ARHGAP42: variants seen among roughly 807,000 people sequenced by gnomAD.
ARHGAP42 encodes Rho GTPase activating protein 42.
In ARHGAP42, 63 loss-of-function variants were observed where a neutral mutation model predicts 125.0. The observed-to-expected ratio is 0.50, with a 90% CI of 0.41 to 0.62. ARHGAP42 has a LOEUF of 0.62. ARHGAP42 is among the 20% of genes least tolerant of loss of function. The pLI is 0.00. For synonymous variants in ARHGAP42, 339 were observed against 351.0 expected (o/e 0.97, Z 0.38); for missense variants, 766 against 1,024.2 (o/e 0.75, Z 3.44).
rs544498893 is a variant in ARHGAP42, at chr11:100,946,657, C to A, written c.1044-1800C>A. Among the ~76,000 whole-genome samples the A allele has an allele frequency of 1.1e-4, 16 of 152,084 alleles. No individual in the cohort carries two copies. In the South Asian group the frequency reaches 1.5e-3, roughly 14 times the overall value. On this transcript the variant is annotated intron_variant, in intron 10 of 23. Coordinates refer to ENST00000298815, the MANE Select transcript of ARHGAP42 (RefSeq NM_152432.4). Reference sequence around the variant, plus strand: ...GTCAGTGGAGCAGTGGCACACACAACTTTTATTGACTGTTTGCCATCTTAT... The same window carrying A: ...GTCAGTGGAGCAGTGGCACACACAAATTTTATTGACTGTTTGCCATCTTAT...
intron 2 of ARHGAP42, among the ~76,000 whole-genome samples, chr11:100,774,504 C>A (rs2080255916): frequency 1.3e-5 from 2 of 152,126 alleles, no homozygotes; most frequent in South Asian, 4.2e-4. Flanking sequence ...GATGACATAG[C>A]CACAAAATAC....
intron 22 of ARHGAP42, chr11:100,986,226 T>C: frequency 2.7e-6 from 1 of 373,700 alleles, no homozygotes; most frequent in South Asian, 2.0e-5. Context: ...GATAGTTCCC[T>C]GGGCAGCTAT....
chr11:100,878,133 T>A (rs867592995), intron 4 of ARHGAP42, among the ~76,000 whole-genome samples: 1 of 152,016 alleles, frequency 6.6e-6, no homozygotes, highest in Non-Finnish European at 1.5e-5. Flanking sequence ...TCTATTTCTT[T>A]TTTTCTTTTT....
chr11:100,940,260 A>G (rs1867841503), intron 8 of ARHGAP42, among the ~76,000 whole-genome samples: 1 of 152,220 alleles, frequency 6.6e-6, no homozygotes, highest in Non-Finnish European at 1.5e-5. Flanking sequence ...GTACTTTTTT[A>G]AATTTCAATT....
chr11:100,915,460 G>A (rs1394683556), intron 5 of ARHGAP42, among the ~76,000 whole-genome samples: 1 of 152,078 alleles, frequency 6.6e-6, no homozygotes, highest in African/African-American at 2.4e-5. Flanking sequence ...TGGTCTTAGA[G>A]GCCCTAAAGA....
At chr11:100,751,965 A>G (rs568520571) in intron 1 of ARHGAP42, among the ~76,000 whole-genome samples, 1 of 151,862 alleles carries the variant, frequency 6.6e-6, no homozygotes, top group South Asian at 2.1e-4. Context: ...TTTTTAATAG[A>G]GATGGGGTTT....
intron 15 of ARHGAP42, among the ~76,000 whole-genome samples, 189 bp downstream of exon 15, chr11:100,961,957 C>T (rs1349216220): frequency 6.6e-6 from 1 of 152,036 alleles, no homozygotes; most frequent in African/African-American, 2.4e-5. Context: ...TTGATTTTTT[C>T]AATAATAATT....
rs17095649 is a variant in ARHGAP42 at position 100,840,861 on chromosome 11, T to A, written c.313-18693T>A. Reference sequence around the variant, plus strand: ...AAGAAAAACATCATTTTACTTCAGGTCAGCTAGGTAAAAGACACTATGTTA... The same window carrying A: ...AAGAAAAACATCATTTTACTTCAGGACAGCTAGGTAAAAGACACTATGTTA... On this transcript the variant is annotated intron_variant, in intron 3 of 23. Transcript: ENST00000298815. 6.3e-3 allele frequency among the ~76,000 whole-genome samples: 953 copies of A among 152,292 alleles called. 10 individuals are homozygous for A. Among genetic ancestry groups the A allele is most frequent in the African/African-American group, 0.022 (898 of 41,566 alleles).
At chr11:100,973,424 G>A (rs887760155) in intron 18 of ARHGAP42, 90 bp downstream of exon 18, 3 of 1,319,838 alleles carry the variant, frequency 2.3e-6, no homozygotes, top group Admixed American at 2.6e-5. Context: ...CATGAGTTTT[G>A]TATAAATTAC....
At chr11:100,844,983 GCA>G (rs1865027793) in intron 3 of ARHGAP42, among the ~76,000 whole-genome samples, 1 of 151,956 alleles carries the variant, frequency 6.6e-6, no homozygotes, top group South Asian at 2.1e-4. Context: ...AAAGATACTT[GCA>G]CACACATGTT....
At chr11:100,891,682 A>T (rs1182278451) in intron 4 of ARHGAP42, among the ~76,000 whole-genome samples, 1 of 152,156 alleles carries the variant, frequency 6.6e-6, no homozygotes, top group Non-Finnish European at 1.5e-5. Context: ...ACCTCAGGTG[A>T]TCCACCCACC....
At chr11:100,710,865 C>T (rs1340949532) in intron 1 of ARHGAP42, among the ~76,000 whole-genome samples, 3 of 152,056 alleles carry the variant, frequency 2.0e-5, no homozygotes, top group African/African-American at 2.4e-5. Flanking sequence ...AAGAAAATCT[C>T]GTAGGGTGCC....
intron 9 of ARHGAP42, among the ~76,000 whole-genome samples, chr11:100,942,290 T>A (rs926680772): frequency 1.3e-5 from 2 of 152,174 alleles, no homozygotes; most frequent in Non-Finnish European, 2.9e-5. Flanking sequence ...TGCCCCTGCA[T>A]GCCTTGTCCC....
chr11:100,938,620 A>G (rs1159305520), intron 8 of ARHGAP42, among the ~76,000 whole-genome samples: 1 of 152,172 alleles, frequency 6.6e-6, no homozygotes, highest in Non-Finnish European at 1.5e-5. Context: ...GAACATATTT[A>G]TCACCTTCAG....
chr11:100,920,361 T>G (rs921510200), intron 5 of ARHGAP42, among the ~76,000 whole-genome samples: 3 of 152,198 alleles, frequency 2.0e-5, no homozygotes, highest in African/African-American at 7.2e-5. Context: ...TGTATAATTT[T>G]TTACTCTTCC....
chr11:100,771,794 G>C (rs564688866), intron 2 of ARHGAP42, among the ~76,000 whole-genome samples: 1 of 151,978 alleles, frequency 6.6e-6, no homozygotes, highest in East Asian at 1.9e-4. Context: ...GTAGAGACGG[G>C]GTTTCACTAT....
chr11:100,897,387 G>A (rs1014971951), intron 4 of ARHGAP42, among the ~76,000 whole-genome samples: 3 of 152,170 alleles, frequency 2.0e-5, no homozygotes, highest in African/African-American at 7.2e-5. Context: ...GAAGTCATTG[G>A]TAGCTTGATG....
chr11:100,749,911 C>G (rs566716494), intron 1 of ARHGAP42, among the ~76,000 whole-genome samples: 3 of 152,136 alleles, frequency 2.0e-5, no homozygotes. Context: ...ACAGAGTTGT[C>G]GCCATAGTAT....
chr11:100,721,211 A>G (rs1411926751), intron 1 of ARHGAP42, among the ~76,000 whole-genome samples: 1 of 152,192 alleles, frequency 6.6e-6, no homozygotes, highest in African/African-American at 2.4e-5. Flanking sequence ...TTGCAGTCCC[A>G]TGTAGAATAG....
Sources: allele counts gnomAD v4.1 joint callset (sites outside exome capture counted in the v4.1 genomes callset), GRCh38; gene constraint gnomAD v4.1.1; transcripts MANE v1.5; gene names NCBI Gene and HGNC (gene_info 2026-07-23, HGNC 2026-07-21).